Variants in DLG2 observed in about 807,000 individuals in gnomAD.
DLG2 encodes the protein discs large MAGUK scaffold protein 2.
A neutral mutation model predicts 132.5 loss-of-function variants in DLG2; 45 were observed. The ratio of observed to expected loss-of-function variants is 0.34; its 90% CI spans 0.27 to 0.44. The LOEUF is 0.44. Ranked by LOEUF, DLG2 falls within the 20% of genes least tolerant of loss-of-function variation. The probability of loss-of-function intolerance (pLI) is 1.00; values close to 1 mark genes in which losing one functional copy is unlikely to be tolerated. For synonymous variants in DLG2, 424 were observed against 419.6 expected, an observed-to-expected ratio of 1.01 and a Z score of -0.13; for missense variants, 1,045 against 1,196.9, an observed-to-expected ratio of 0.87 and a Z score of 1.87.
chr11:83,891,367 T>G (rs1213152193), intron 15 of DLG2, among the ~76,000 whole-genome samples: 1 of 152,172 alleles, frequency 6.6e-6, no homozygotes, highest in African/African-American at 2.4e-5. Flanking sequence ...GTGGGAAGAC[T>G]TTAGTCAACA....
At chr11:83,617,217 T>A (rs895380623) in intron 19 of DLG2, among the ~76,000 whole-genome samples, 1 of 152,244 alleles carries the variant, frequency 6.6e-6, no homozygotes, top group African/African-American at 2.4e-5. Context: ...TTGATAGGAA[T>A]TGCAGTGAAT....
intron 6 of DLG2, among the ~76,000 whole-genome samples, chr11:84,712,703 C>A (rs1418311425): frequency 1.3e-5 from 2 of 151,994 alleles, no homozygotes; most frequent in Non-Finnish European, 1.5e-5. Context: ...TACCACATAC[C>A]AGGCATTGTG....
chr11:85,001,632 C>A (rs187767837), intron 6 of DLG2, among the ~76,000 whole-genome samples: 1 of 152,178 alleles, frequency 6.6e-6, no homozygotes, highest in African/African-American at 2.4e-5. Flanking sequence ...GGGAAGAGCA[C>A]AGAGGATTTT....
chr11:84,454,302 AAT>A (rs1256751609), intron 7 of DLG2, among the ~76,000 whole-genome samples: 1 of 151,552 alleles, frequency 6.6e-6, no homozygotes, highest in Non-Finnish European at 1.5e-5. Context: ...TCTGAGAAGA[AAT>A]AGATATATTC....
At chr11:83,583,058 A>G (rs1429715973) in intron 19 of DLG2, among the ~76,000 whole-genome samples, 2 of 152,180 alleles carry the variant, frequency 1.3e-5, no homozygotes, top group South Asian at 2.1e-4. Context: ...TTTCACCCCA[A>G]TGCTATTGGA....
rs529510664 is a variant in DLG2 at position 84,871,181 on chromosome 11, G to A, written c.357+240480C>T. ...CATAGATTTCCAACACCACTGGTGC[G>A]TATGAGAATTTACAGTGGAACTTCT... is the stretch of plus-strand genomic sequence containing the variant. On this transcript the variant is annotated intron_variant, in intron 6 of 27. Transcript: ENST00000376104. Among the ~76,000 whole-genome samples, 76 of 152,256 alleles carry A rather than the reference G, an allele frequency of 5.0e-4. 1 individual carries two copies. The East Asian group carries it at 6.8e-3, about 14-fold the overall frequency.
intron 4 of DLG2, among the ~76,000 whole-genome samples, chr11:85,275,714 G>C (rs1469128688): frequency 3.9e-5 from 6 of 152,062 alleles, no homozygotes; most frequent in Admixed American, 3.3e-4. Flanking sequence ...CTTTAGATTA[G>C]ACAGTAATAT....
intron 3 of DLG2, among the ~76,000 whole-genome samples, chr11:85,503,106 A>T (rs1452694799): frequency 6.6e-6 from 1 of 152,162 alleles, no homozygotes; most frequent in East Asian, 1.9e-4. Flanking sequence ...TTTATATAAC[A>T]TTCATAAACA....
chr11:84,566,027 C>A (rs1434705470), intron 6 of DLG2, among the ~76,000 whole-genome samples: 1 of 148,192 alleles, frequency 6.7e-6, no homozygotes, highest in African/African-American at 2.5e-5. Context: ...GGCATTATCT[C>A]TGCTCACTGC....
chr11:84,976,373 C>T (rs970690706), intron 6 of DLG2, among the ~76,000 whole-genome samples: 2 of 152,104 alleles, frequency 1.3e-5, no homozygotes, highest in African/African-American at 4.8e-5. Context: ...CTGAGTATAT[C>T]AGCTCTAGAA....
chr11:84,438,667 C>T (rs561792978), intron 7 of DLG2, among the ~76,000 whole-genome samples: 1 of 152,166 alleles, frequency 6.6e-6, no homozygotes, highest in Admixed American at 6.5e-5. Flanking sequence ...ATGTGAGGCA[C>T]CTTTAAGATA....
chr11:85,469,926 T>C (rs1185288130), intron 3 of DLG2, among the ~76,000 whole-genome samples: 1 of 152,122 alleles, frequency 6.6e-6, no homozygotes, highest in African/African-American at 2.4e-5. Flanking sequence ...TTCCAAGGCC[T>C]CCAGTAGTTT....
Position 85,393,895 on chromosome 11 carries a change from G to C in DLG2, c.41-108530C>G, listed in dbSNP as rs1596848743. Among the ~76,000 whole-genome samples, 7 of 152,196 alleles carry C rather than the reference G, an allele frequency of 4.6e-5. No individual in the cohort carries two copies. The South Asian group carries it at 1.5e-3, about 32-fold the overall frequency. On this transcript the variant is annotated intron_variant, in intron 3 of 27. Coordinates refer to ENST00000376104, the MANE Select transcript of DLG2 (RefSeq NM_001142699.3). ...GCATAAAAGTGATACGATGGACATT[G>C]GGGACTCAGGAGAAAGGGTGTGAGA...
intron 8 of DLG2, among the ~76,000 whole-genome samples, chr11:84,199,236 A>T (rs2096561612): frequency 6.6e-6 from 1 of 152,176 alleles, no homozygotes; most frequent in Non-Finnish European, 1.5e-5. Flanking sequence ...CAGCTACTAC[A>T]GTGAGATTGA....
chr11:83,932,446 G>A (rs1298132866), intron 14 of DLG2, among the ~76,000 whole-genome samples: 2 of 152,092 alleles, frequency 1.3e-5, no homozygotes, highest in African/African-American at 4.8e-5. Flanking sequence ...GCATTAGCAA[G>A]GATGGTCTTG....
chr11:84,404,393 C>T (rs1482803513), intron 7 of DLG2, among the ~76,000 whole-genome samples: 1 of 152,138 alleles, frequency 6.6e-6, no homozygotes, highest in Non-Finnish European at 1.5e-5. Flanking sequence ...AGAAGGCTTT[C>T]CTCAATCCCT....
At chr11:84,079,432 T>A (rs933002112) in intron 10 of DLG2, among the ~76,000 whole-genome samples, 14 of 152,060 alleles carry the variant, frequency 9.2e-5, no homozygotes, top group Non-Finnish European at 1.9e-4. Flanking sequence ...TATAGGCACC[T>A]GCTGCCATGC....
At chr11:83,573,399 A>C (rs1656507630) in intron 19 of DLG2, among the ~76,000 whole-genome samples, 1 of 152,170 alleles carries the variant, frequency 6.6e-6, no homozygotes, top group African/African-American at 2.4e-5. Flanking sequence ...GAGTAATATA[A>C]TTACATATTT....
chr11:84,074,323 T>C (rs564111643), intron 10 of DLG2, among the ~76,000 whole-genome samples: 2 of 152,182 alleles, frequency 1.3e-5, no homozygotes, highest in East Asian at 3.9e-4. Context: ...AGATTTTTAA[T>C]TTCCTTCACC....
Sources: gnomAD v4.1 joint callset for allele counts (sites outside exome capture counted in the v4.1 genomes callset) on GRCh38, gnomAD v4.1.1 for gene constraint, MANE v1.5 for transcripts, NCBI Gene and HGNC (gene_info 2026-07-23, HGNC 2026-07-21) for gene names.